The following PEDS1 variants were observed in gnomAD, a reference collection of about 807,000 sequenced individuals.
PEDS1 encodes the protein plasmanylethanolamine desaturase 1, also known as CarF homolog.
PEDS1 carries 14 observed loss-of-function variants against 35.2 expected under a neutral mutation model. The ratio of observed to expected loss-of-function variants is 0.40; its 90% CI spans 0.26 to 0.62. PEDS1 has a LOEUF of 0.62. Ranked by LOEUF, PEDS1 falls within the 20% of genes least tolerant of loss-of-function variation. The probability of loss-of-function intolerance (pLI) is 0.44; values close to 1 mark genes in which losing one functional copy is unlikely to be tolerated. For synonymous variants in PEDS1, 152 were observed against 152.0 expected (o/e 1.00, Z 0.00); for missense variants, 260 against 367.8 (o/e 0.71, Z 2.40).
intron 2 of PEDS1, chr20:50,131,201 G>C (rs1262330551): frequency 1.2e-6 from 1 of 806,470 alleles, no homozygotes; most frequent in Non-Finnish European, 2.0e-6. Context: ...GGCATGCTCA[G>C]ATCAGCTCAA....
At chr20:50,130,096 C>G (rs1400084703) in intron 3 of PEDS1, among the ~76,000 whole-genome samples, 1 of 152,208 alleles carries the variant, frequency 6.6e-6, no homozygotes, top group Non-Finnish European at 1.5e-5. Context: ...GCTCTTCTGA[C>G]AAGGCTGACC....
chr20:50,151,259 C>T (rs959374032), intron 1 of PEDS1: 1 of 1,304,294 alleles, frequency 7.7e-7, no homozygotes, highest in South Asian at 1.2e-5. Context: ...ATTTGGGGCA[C>T]CAGGCTGTCT....
chr20:50,142,498 C>T (rs932668889), intron 2 of PEDS1, among the ~76,000 whole-genome samples: 72 of 152,248 alleles, frequency 4.7e-4, no homozygotes, highest in African/African-American at 1.6e-3. Context: ...AGTGCTGTGG[C>T]GTGATCTTGG....
Position 50,125,182 on chromosome 20 carries a change from G to A in PEDS1, c.692-3C>T, listed in dbSNP as rs1342075481. On this transcript the variant is annotated splice_polypyrimidine_tract_variant and splice_region_variant and intron_variant, in intron 5 of 5. Transcript: ENST00000371652. The stretch of plus-strand genomic sequence containing the variant: ...CTCCAGAGGGTAGTTGAGCCAGCCT[G>A]CAGTAGAAATGGCAGCGGGAGTTTG... The A allele has an allele frequency of 6.2e-7, 1 of 1,613,580 alleles. No homozygotes were observed. The highest frequency in any genetic ancestry group is 1.1e-5 in the South Asian group (1 of 91,066).
intron 1 of PEDS1, among the ~76,000 whole-genome samples, chr20:50,149,686 T>C (rs1476402447): frequency 6.6e-6 from 1 of 152,110 alleles, no homozygotes; most frequent in East Asian, 1.9e-4. Context: ...CTGGTCCAAC[T>C]ACTCACAGCT....
At chr20:50,148,785 T>C (rs974481277) in intron 1 of PEDS1, among the ~76,000 whole-genome samples, 5 of 151,506 alleles carry the variant, frequency 3.3e-5, no homozygotes, top group African/African-American at 9.7e-5. Context: ...AAATAAGAGA[T>C]GAGAGACAAA....
At chr20:50,147,401 C>T (rs1301293991) in intron 1 of PEDS1, among the ~76,000 whole-genome samples, 3 of 152,232 alleles carry the variant, frequency 2.0e-5, no homozygotes, top group African/African-American at 4.8e-5. Flanking sequence ...GGGTCTCACA[C>T]TGGGTGGCCA....
At chr20:50,146,165 T>C (rs943829291) in intron 1 of PEDS1, among the ~76,000 whole-genome samples, 5 of 152,186 alleles carry the variant, frequency 3.3e-5, no homozygotes, top group Non-Finnish European at 7.3e-5. Flanking sequence ...GCTCCTCCTG[T>C]GTCCACCCTC....
In PEDS1 at chr20:50,153,646, G is replaced by A. The variant is rs1169546729; in HGVS notation, c.-9C>T. ...TTCTCGGCGCCCGCCATGGCCACTC[G>A]CCCGATCGGCCCGGTGCGCTCTGCT... On this transcript the variant is annotated 5_prime_UTR_variant, in exon 1 of 6. Transcript: ENST00000371652. The A allele has an allele frequency of 2.4e-6, 3 of 1,241,288 alleles. No individual in the cohort carries two copies. The highest frequency in any genetic ancestry group is 3.0e-6 in the Non-Finnish European group (3 of 991,242). 76.9% of individuals were successfully genotyped at this position (1,241,288 alleles called of 1,614,324 possible).
chr20:50,153,534 G>C lies in PEDS1; in HGVS notation c.104C>G (p.Ala35Gly). The C allele has an allele frequency of 1.4e-6, 2 of 1,425,576 alleles. No homozygotes were observed. The highest frequency in any genetic ancestry group is 1.8e-6 in the Non-Finnish European group (2 of 1,082,974). 88.3% of individuals were successfully genotyped at this position (1,425,576 alleles called of 1,614,324 possible). ...GAQHAGAREL[A>G]ALYSPGKRLQ... is the part of the protein sequence containing the mutation. Reference sequence around the variant, plus strand: ...GGTCTTACCTGGCGAGTAGAGCGCAGCCAGCTCGCGGGCCCCGGCGTGCTG... The same window carrying C: ...GGTCTTACCTGGCGAGTAGAGCGCACCCAGCTCGCGGGCCCCGGCGTGCTG... The change falls in exon 1 of 6, where the codon GCT becomes GGT. Residue 35 changes from alanine to glycine, a missense_variant. Ala to Gly is a moderately conservative substitution (Grantham distance 60). Coordinates refer to ENST00000371652, the MANE Select transcript of PEDS1 (RefSeq NM_199129.4).
intron 2 of PEDS1, among the ~76,000 whole-genome samples, chr20:50,132,849 G>T (rs1426910107): frequency 6.6e-6 from 1 of 152,102 alleles, no homozygotes; most frequent in East Asian, 1.9e-4. Context: ...CTCCACAAAG[G>T]CCTCCTGTGT....
At position 50,128,283 on chromosome 20, in the gene PEDS1, G is replaced by C; in HGVS notation, c.479-96C>G. The C allele has an allele frequency of 1.4e-6, 2 of 1,466,062 alleles. No individual in the cohort carries two copies. The highest frequency in any genetic ancestry group is 1.9e-5 in the Admixed American group (1 of 51,584). 90.8% of individuals were successfully genotyped at this position (1,466,062 alleles called of 1,614,324 possible). ...CACCACCTGCTCCTGGGCGGCTCCT[G>C]AGCTGGGCAAGCACCCAGGATTCTC... On this transcript the variant is annotated intron_variant, in intron 4 of 5. Coordinates refer to ENST00000371652, the MANE Select transcript of PEDS1 (RefSeq NM_199129.4). This position sits in a 1 kb window ranked among gnomAD's most constrained non-coding sequence, Gnocchi z 5.2.
At position 50,143,556 on chromosome 20, in the gene PEDS1, G is replaced by A. The variant is rs1349040372; in HGVS notation, c.187C>T (p.His63Tyr). 3 of 1,613,756 alleles carry A rather than the reference G, an allele frequency of 1.9e-6. No individual in the cohort carries two copies. The highest frequency in any genetic ancestry group is 2.5e-6 in the Non-Finnish European group (3 of 1,179,960). The change falls in exon 2 of 6, where the codon CAT becomes TAT. Residue 63 changes from histidine (H) to tyrosine (Y), a missense_variant. By Grantham distance (83) the His-to-Tyr change is moderately conservative (BLOSUM62 2). Coordinates refer to ENST00000371652, the MANE Select transcript of PEDS1 (RefSeq NM_199129.4). ...CFSLIAHNLV[H>Y]LLLLARWEDT... is the part of the protein sequence containing the mutation. ...TCCCAGCGGGCCAGCAGCAGGAGAT[G>A]GACCAGGTTGTGGGCGATGAGGCTG...
intron 2 of PEDS1, among the ~76,000 whole-genome samples, chr20:50,140,151 C>G (rs1264380642): frequency 6.6e-6 from 1 of 152,244 alleles, no homozygotes; most frequent in African/African-American, 2.4e-5. Flanking sequence ...ACCTCCACAG[C>G]CAACCTGGAA....
chr20:50,151,429 G>T, intron 1 of PEDS1: 1 of 597,412 alleles, frequency 1.7e-6, no homozygotes, highest in Admixed American at 2.3e-5. Flanking sequence ...CTGAAAGTAG[G>T]TAGGGTTCAC....
In PEDS1 at chr20:50,128,325, G is replaced by A. The variant is rs62209907; in HGVS notation, c.479-138C>T. 23,643 of 1,079,206 alleles carry A rather than the reference G, an allele frequency of 0.022. 341 individuals carry two copies. Among genetic ancestry groups the A allele is most frequent in the Non-Finnish European group, 0.026 (19,807 of 754,594 alleles). The allele number at this position is 1,079,206 out of a possible 1,614,324, so 66.9% of individuals were successfully genotyped here. On this transcript the variant is annotated intron_variant, in intron 4 of 5. Transcript: ENST00000371652. The surrounding 1 kb of genome is among the most constrained non-coding windows in gnomAD (Gnocchi z 5.2). ...AGGATTCTCTTCCACCCCCTGCAGG[G>A]CCGCAGGCAAGCTCAGGTGCTGCCC...
intron 2 of PEDS1, among the ~76,000 whole-genome samples, chr20:50,138,661 C>T (rs116729453): frequency 1.3e-5 from 2 of 152,216 alleles, no homozygotes; most frequent in Non-Finnish European, 2.9e-5. Context: ...CGTGATCTTG[C>T]GGCCTCTGCC....
At chr20:50,132,111 G>C (rs1036395991) in intron 2 of PEDS1, among the ~76,000 whole-genome samples, 1 of 152,186 alleles carries the variant, frequency 6.6e-6, no homozygotes. Flanking sequence ...GGCTGAAGCA[G>C]GAGAATGGCT....
intron 3 of PEDS1, among the ~76,000 whole-genome samples, chr20:50,130,423 T>G (rs2081165402): frequency 6.6e-6 from 1 of 152,214 alleles, no homozygotes; most frequent in Admixed American, 6.5e-5. Flanking sequence ...CTGTCGGTCC[T>G]ACTGGATGCA....
Sources: gnomAD v4.1 joint callset for allele counts (sites outside exome capture counted in the v4.1 genomes callset) on GRCh38, gnomAD v4.1.1 for gene constraint, Gnocchi (gnomAD v3.1) non-coding constraint, MANE v1.5 for transcripts, NCBI Gene and HGNC (gene_info 2026-07-23, HGNC 2026-07-21) for gene names.